Variants in PARN observed in about 807,000 individuals in gnomAD.
PARN encodes poly(A)-specific ribonuclease PARN.
A neutral mutation model predicts 102.8 loss-of-function variants in PARN; 71 were observed. That is an observed-to-expected ratio of 0.69 (90% CI 0.57 to 0.84). The LOEUF is 0.84. Ranked by LOEUF, PARN falls within the 40% of genes least tolerant of loss-of-function variation. The pLI is 0.00. For synonymous variants in PARN, 261 were observed against 252.9 expected, an observed-to-expected ratio of 1.03 and a Z score of -0.30; for missense variants, 782 against 760.9, an observed-to-expected ratio of 1.03 and a Z score of -0.33.
At chr16:14,606,678 T>A (rs1439198126) in intron 9 of PARN, among the ~76,000 whole-genome samples, 152 bp from the exon 10 acceptor site, 1 of 152,196 alleles carries the variant, frequency 6.6e-6, no homozygotes, top group Admixed American at 6.5e-5. Context: ...GCACATTTAT[T>A]TTATAACGTT....
At chr16:14,580,848 G>A in intron 18 of PARN, 26 bp downstream of exon 18, 1 of 1,442,390 alleles carries the variant, frequency 6.9e-7, no homozygotes, top group Non-Finnish European at 9.8e-7. Flanking sequence ...AGAGAACTTG[G>A]AAACTGGAAC....
intron 21 of PARN, among the ~76,000 whole-genome samples, chr16:14,520,280 C>T (rs564008187): frequency 6.6e-6 from 1 of 152,068 alleles, no homozygotes; most frequent in Non-Finnish European, 1.5e-5. Flanking sequence ...CCATGTGTGG[C>T]CCTTATATGA....
chr16:14,557,853 C>A (rs1163994257), intron 18 of PARN, among the ~76,000 whole-genome samples: 4 of 152,138 alleles, frequency 2.6e-5, no homozygotes, highest in African/African-American at 4.8e-5. Flanking sequence ...ACATAAAGCA[C>A]CTAGCATGGT....
intron 18 of PARN, among the ~76,000 whole-genome samples, chr16:14,574,187 T>C (rs1023840618): frequency 3.9e-5 from 6 of 152,006 alleles, no homozygotes; most frequent in Non-Finnish European, 5.9e-5. Flanking sequence ...TTTTGGGAAC[T>C]GGAGCAAAGG....
At chr16:14,443,326 A>C (rs1199096125) in intron 23 of PARN, among the ~76,000 whole-genome samples, 1 of 151,182 alleles carries the variant, frequency 6.6e-6, no homozygotes, top group Non-Finnish European at 1.5e-5. Flanking sequence ...AAAAGAACAG[A>C]TATAAAGAGA....
chr16:14,493,316 A>G (rs1429441894), intron 21 of PARN, among the ~76,000 whole-genome samples: 2 of 152,164 alleles, frequency 1.3e-5, no homozygotes, highest in Non-Finnish European at 2.9e-5. Context: ...TCTGGGCTCA[A>G]GCAATCCTCC....
intron 22 of PARN, among the ~76,000 whole-genome samples, chr16:14,450,039 A>G (rs60286492): frequency 0.16 from 24,309 of 152,178 alleles, 1,999 homozygotes; most frequent in East Asian, 0.23. Flanking sequence ...TTGGAATTGC[A>G]AAATACTGCA....
intron 21 of PARN, among the ~76,000 whole-genome samples, chr16:14,510,318 A>C (rs144081205): frequency 2.0e-4 from 30 of 152,338 alleles, no homozygotes; most frequent in African/African-American, 6.5e-4. Flanking sequence ...CCTAACTGTA[A>C]ACTGCCATCA....
rs1971979330 is a variant in PARN at position 14,617,280 on chromosome 16, A to C, written c.388+310T>G. ...GCACCTGTAGTCCCAGCTACTCGGG[A>C]GGCTGAGGTAGGAGAATGGTGTGAA... On this transcript the variant is annotated intron_variant, in intron 6 of 23. Coordinates refer to ENST00000437198, the MANE Select transcript of PARN (RefSeq NM_002582.4). Among the ~76,000 whole-genome samples the C allele has an allele frequency of 2.0e-5, 3 of 148,948 alleles. No individual in the cohort carries two copies. The South Asian group carries it at 6.5e-4, about 32-fold the overall frequency.
chr16:14,506,390 T>C (rs1964896001), intron 21 of PARN, among the ~76,000 whole-genome samples: 1 of 152,190 alleles, frequency 6.6e-6, no homozygotes, highest in Admixed American at 6.5e-5. Flanking sequence ...TGGGGAAATT[T>C]GATTACAGCA....
At chr16:14,481,454 G>A (rs1737562538) in intron 22 of PARN, among the ~76,000 whole-genome samples, 1 of 152,126 alleles carries the variant, frequency 6.6e-6, no homozygotes, top group African/African-American at 2.4e-5. Context: ...GGTTGCTTAG[G>A]GTCATGGGAA....
chr16:14,556,663 G>A (rs145588143), intron 18 of PARN, among the ~76,000 whole-genome samples: 51 of 152,296 alleles, frequency 3.3e-4, no homozygotes, highest in African/African-American at 1.2e-3. Context: ...CAGAGCTGTC[G>A]TGTTAGTCCA....
In PARN at chr16:14,436,616, T is replaced by G. The variant is rs1960708700; in HGVS notation, c.*101A>C. 17 of 835,256 alleles carry G rather than the reference T, an allele frequency of 2.0e-5. 1 individual carries two copies. The highest frequency in any genetic ancestry group is 9.5e-5 in the South Asian group (6 of 63,398). 51.7% of individuals were successfully genotyped at this position (835,256 alleles called of 1,614,324 possible). A position where few individuals can be genotyped will look rare whatever the true frequency, so the allele number is the denominator to read the frequency against. ...ACAACTTGGTTTCCAACCCCTCCCATACCACATTTGATTAAGTTAAATACA... is the reference window on the plus strand; with the variant it reads ...ACAACTTGGTTTCCAACCCCTCCCAGACCACATTTGATTAAGTTAAATACA... On this transcript the variant is annotated 3_prime_UTR_variant, in exon 24 of 24. Coordinates refer to ENST00000437198, the MANE Select transcript of PARN (RefSeq NM_002582.4).
chr16:14,510,050 G>C (rs1965099828), intron 21 of PARN, among the ~76,000 whole-genome samples: 1 of 152,150 alleles, frequency 6.6e-6, no homozygotes, highest in South Asian at 2.1e-4. Context: ...CAACTGGTAG[G>C]ATGTTCCCGT....
chr16:14,618,291 TC>T (rs1313256904), intron 5 of PARN, among the ~76,000 whole-genome samples: 3 of 151,606 alleles, frequency 2.0e-5, no homozygotes, highest in Non-Finnish European at 4.4e-5. Flanking sequence ...ATCAAGACCA[TC>T]CTGGCTAACA....
In PARN at chr16:14,586,327, A is replaced by T; in HGVS notation, c.953T>A (p.Val318Asp). Residue 318 changes from valine to aspartate, a missense_variant, in exon 14 of 24, where the codon GTT becomes GAT. Transcript: ENST00000437198. ...CTCAAAGAAAGCTTACCTGGGGAAA[A>T]CACATGTTGTCATCTCTTTAAACTC... ...LSEFKEMTTCVFPRLLDTKLM... is the reference protein window; with the variant it reads ...LSEFKEMTTCDFPRLLDTKLM... 1 of 1,551,446 alleles carries T rather than the reference A, an allele frequency of 6.4e-7. No homozygotes were observed. The highest frequency in any genetic ancestry group is 8.8e-7 in the Non-Finnish European group (1 of 1,142,498).
At position 14,435,804 on chromosome 16, in the gene PARN, G is replaced by A. The variant is rs1045020162; in HGVS notation, c.*913C>T. The A allele has an allele frequency of 1.3e-5, 2 of 151,584 alleles. No individual in the cohort carries two copies. Among genetic ancestry groups the A allele is most frequent in the South Asian group, 2.1e-4 (1 of 4,780 alleles). The allele number at this position is 151,584 out of a possible 1,614,324, so 9.4% of individuals were successfully genotyped here. ...TATCTAACAATGATCTATCTGAAGC[G>A]GGTGGAGCAAAGCAGCGCCATGAGC... is the stretch of plus-strand genomic sequence containing the variant. On this transcript the variant is annotated 3_prime_UTR_variant, in exon 24 of 24. Transcript: ENST00000437198.
At chr16:14,622,640 G>A (rs59857412) in intron 5 of PARN, among the ~76,000 whole-genome samples, 1 of 152,198 alleles carries the variant, frequency 6.6e-6, no homozygotes, top group Non-Finnish European at 1.5e-5. Context: ...GAGTAGCTGG[G>A]ACTACAGGCG....
chr16:14,514,203 G>A (rs1965343745), intron 21 of PARN, among the ~76,000 whole-genome samples: 2 of 152,008 alleles, frequency 1.3e-5, no homozygotes, highest in Non-Finnish European at 1.5e-5. Flanking sequence ...TTATTTTTTT[G>A]AGATGGAGTT....
Sources: allele counts gnomAD v4.1 joint callset (sites outside exome capture counted in the v4.1 genomes callset), GRCh38; gene constraint gnomAD v4.1.1; transcripts MANE v1.5; gene names NCBI Gene and HGNC (gene_info 2026-07-23, HGNC 2026-07-21).